The following LZTS1 variants were observed in gnomAD, a reference collection of about 807,000 sequenced individuals.
The protein encoded by LZTS1 is leucine zipper tumor suppressor 1.
A neutral mutation model predicts 45.8 loss-of-function variants in LZTS1; 31 were observed. The observed-to-expected ratio is 0.68, with a 90% CI of 0.51 to 0.91. The LOEUF is 0.91. Ranked by LOEUF, LZTS1 falls within the 40% of genes least tolerant of loss-of-function variation. The probability of loss-of-function intolerance (pLI) is 0.00; values close to 1 mark genes in which losing one functional copy is unlikely to be tolerated. For missense variants in LZTS1, 821 were observed against 788.9 expected (o/e 1.04, Z -0.49); for synonymous variants, 359 against 357.3 (o/e 1.00, Z -0.05).
chr8:20,285,009 C>A (rs1800762894), intron 1 of LZTS1, among the ~76,000 whole-genome samples: 1 of 152,176 alleles, frequency 6.6e-6, no homozygotes, highest in Admixed American at 6.5e-5. Context: ...TCTCTGAGCC[C>A]AGTTCCTTAT....
At chr8:20,272,489 A>G (rs970786971) in intron 1 of LZTS1, among the ~76,000 whole-genome samples, 1 of 151,902 alleles carries the variant, frequency 6.6e-6, no homozygotes, top group Non-Finnish European at 1.5e-5. Context: ...CTAGACATGG[A>G]ACTCTTTTTT....
intron 1 of LZTS1, among the ~76,000 whole-genome samples, chr8:20,291,685 C>T (rs181402208): frequency 6.6e-6 from 1 of 151,702 alleles, no homozygotes; most frequent in East Asian, 1.9e-4. Context: ...TGTCTCCATG[C>T]TGACTTTTCT....
chr8:20,276,853 G>C (rs923304227), intron 1 of LZTS1, among the ~76,000 whole-genome samples: 3 of 152,208 alleles, frequency 2.0e-5, no homozygotes, highest in African/African-American at 7.2e-5. Context: ...GAAGTCTTCT[G>C]GGTTGATTGT....
At chr8:20,266,441 C>T (rs1318218203) in intron 1 of LZTS1, among the ~76,000 whole-genome samples, 1 of 152,122 alleles carries the variant, frequency 6.6e-6, no homozygotes, top group Non-Finnish European at 1.5e-5. Flanking sequence ...CTGAGGTCTC[C>T]ACATATGCAG....
Position 20,277,082 on chromosome 8 carries a change from G to A in LZTS1, c.-134-21767C>T, listed in dbSNP as rs1375384330. On this transcript the variant is annotated intron_variant, in intron 1 of 3. Transcript: ENST00000381569. Reference sequence around the variant, plus strand: ...AGACAGGAAGTAGGCAGAAGATACAGGTCATAAAGACCTTGCTGATAAAAC... The same window carrying A: ...AGACAGGAAGTAGGCAGAAGATACAAGTCATAAAGACCTTGCTGATAAAAC... Among the ~76,000 whole-genome samples the A allele has an allele frequency of 2.6e-5, 4 of 152,324 alleles. 1 individual carries two copies. In the South Asian group the frequency reaches 8.3e-4, roughly 32 times the overall value.
At chr8:20,269,123 C>A (rs1800424049) in intron 1 of LZTS1, among the ~76,000 whole-genome samples, 1 of 152,202 alleles carries the variant, frequency 6.6e-6, no homozygotes, top group African/African-American at 2.4e-5. Context: ...ACATGCAAAG[C>A]TCATGCAAAT....
Position 20,253,247 on chromosome 8 carries a change from C to G in LZTS1, c.684G>C (p.Lys228Asn). The change falls in exon 3 of 4, where the codon AAG becomes AAC. Residue 228 changes from lysine (K) to asparagine (N), a missense_variant. Transcript: ENST00000381569. ...TACCTCCGTCGGAGAAGGACAGAGC[C>G]TTCAGGCTCATCATGTTGCTGTCCT... ...VLQDSNMMSL[K>N]ALSFSDGGSK... 1 of 1,614,096 alleles carries G rather than the reference C, an allele frequency of 6.2e-7. No homozygotes were observed. Among genetic ancestry groups the G allele is most frequent in the Non-Finnish European group, 8.5e-7 (1 of 1,180,040 alleles).
intron 1 of LZTS1, among the ~76,000 whole-genome samples, chr8:20,277,417 C>T (rs1429864312): frequency 6.6e-6 from 1 of 152,176 alleles, no homozygotes; most frequent in Admixed American, 6.5e-5. Flanking sequence ...GCTGAACAGC[C>T]ATGCTGCTGC....
chr8:20,297,010 C>A (rs1205651031), intron 1 of LZTS1, among the ~76,000 whole-genome samples: 1 of 152,146 alleles, frequency 6.6e-6, no homozygotes, highest in Non-Finnish European at 1.5e-5. Context: ...TCTCCGTCTT[C>A]CGCCTCCCTT....
At chr8:20,257,610 A>G (rs920385526) in intron 1 of LZTS1, among the ~76,000 whole-genome samples, 5 of 152,122 alleles carry the variant, frequency 3.3e-5, no homozygotes, top group Non-Finnish European at 5.9e-5. Flanking sequence ...CATGGAAGGT[A>G]AACTGTTTAA....
At chr8:20,268,169 C>T (rs1460637460) in intron 1 of LZTS1, among the ~76,000 whole-genome samples, 1 of 139,274 alleles carries the variant, frequency 7.2e-6, no homozygotes, top group Non-Finnish European at 1.6e-5. Flanking sequence ...CCCCCACCCC[C>T]ACCCCCACCC....
chr8:20,287,679 C>T (rs573126993), intron 1 of LZTS1, among the ~76,000 whole-genome samples: 3 of 152,250 alleles, frequency 2.0e-5, no homozygotes, highest in South Asian at 2.1e-4. Context: ...ATAATCCCAA[C>T]ACTTTGGAAG....
chr8:20,287,953 G>A (rs933889696), intron 1 of LZTS1, among the ~76,000 whole-genome samples: 9 of 132,096 alleles, frequency 6.8e-5, no homozygotes, highest in African/African-American at 2.5e-4. Flanking sequence ...CCCTAGCCCA[G>A]CCCACCTGCA....
chr8:20,279,428 A>T (rs78909048), intron 1 of LZTS1, among the ~76,000 whole-genome samples: 1 of 152,170 alleles, frequency 6.6e-6, no homozygotes, highest in East Asian at 1.9e-4. Flanking sequence ...GCAGACATCT[A>T]GCTATTTGCC....
At chr8:20,250,495 T>A in intron 3 of LZTS1, 132 bp from the exon 4 acceptor site, 1 of 831,122 alleles carries the variant, frequency 1.2e-6, no homozygotes, top group Non-Finnish European at 1.8e-6. Flanking sequence ...CCAGCCTTTG[T>A]CCAATCTGAA....
chr8:20,254,338 T>G (rs1369311808), intron 2 of LZTS1, among the ~76,000 whole-genome samples: 1 of 152,178 alleles, frequency 6.6e-6, no homozygotes, highest in Admixed American at 6.5e-5. Context: ...CAGCCTGTAT[T>G]CAAAGATGCC....
rs374048141 is a variant in LZTS1 at position 20,253,257 on chromosome 8, A to G, written c.674T>C (p.Met225Thr). ...GGAGAAGGACAGAGCCTTCAGGCTC[A>G]TCATGTTGCTGTCCTGGAGGACGAT... ...QGIVLQDSNMMSLKALSFSDG... is the reference protein window; with the variant it reads ...QGIVLQDSNMTSLKALSFSDG... The change falls in exon 3 of 4, where the codon ATG becomes ACG. Residue 225 changes from methionine to threonine, a missense_variant. Physicochemically the swap from Met to Thr is moderately conservative, Grantham distance 81. Coordinates refer to ENST00000381569, the MANE Select transcript of LZTS1 (RefSeq NM_021020.5). 1.9e-6 allele frequency: 3 copies of G among 1,613,992 alleles called. No individual in the cohort carries two copies. The African/African-American group carries it at 4.0e-5, about 22-fold the overall frequency.
intron 1 of LZTS1, among the ~76,000 whole-genome samples, chr8:20,259,399 A>G (rs1486212627): frequency 6.6e-6 from 1 of 152,152 alleles, no homozygotes; most frequent in Non-Finnish European, 1.5e-5. Context: ...TCGGTGCTAA[A>G]TGAATCTGTT....
intron 1 of LZTS1, among the ~76,000 whole-genome samples, chr8:20,282,420 G>C (rs1389561481): frequency 6.6e-6 from 1 of 152,248 alleles, no homozygotes. Flanking sequence ...TGACAGATAT[G>C]ACCTGGGGGC....
Sources: gnomAD v4.1 joint callset for allele counts (sites outside exome capture counted in the v4.1 genomes callset) on GRCh38, gnomAD v4.1.1 for gene constraint, MANE v1.5 for transcripts, NCBI Gene and HGNC (gene_info 2026-07-23, HGNC 2026-07-21) for gene names.